The following SRD5A2 variants were observed in gnomAD, a reference collection of about 807,000 sequenced individuals.
SRD5A2 encodes 3-oxo-5-alpha-steroid 4-dehydrogenase 2.
A neutral mutation model predicts 27.4 loss-of-function variants in SRD5A2; 30 were observed. The ratio of observed to expected loss-of-function variants is 1.10; its 90% CI spans 0.82 to 1.49. SRD5A2 has a LOEUF of 1.49. Among genes scored for constraint, SRD5A2 ranks in the 40% most tolerant of loss-of-function variants. SRD5A2 has a pLI of 0.00. For synonymous variants in SRD5A2, 141 were observed against 133.6 expected, an observed-to-expected ratio of 1.06 and a Z score of -0.38; for missense variants, 348 against 323.4, an observed-to-expected ratio of 1.08 and a Z score of -0.58.
chr2:31,591,810 C>T, the SRD5A2 span, among the ~76,000 whole-genome samples: 1 of 91,698 alleles, frequency 1.1e-5, no homozygotes, highest in Admixed American at 1.3e-4. Flanking sequence ...AGCTGGAAAC[C>T]ATCTTTCTCA....
intron 4 of SRD5A2, chr2:31,526,973 A>G (rs896818433): frequency 1.3e-5 from 2 of 152,278 alleles, no homozygotes; most frequent in African/African-American, 4.8e-5. Flanking sequence ...AGACGGAGGC[A>G]GAGATCAGAG....
At chr2:31,637,634 T>C in the SRD5A2 span, among the ~76,000 whole-genome samples, 1 of 152,010 alleles carries the variant, frequency 6.6e-6, no homozygotes, top group Non-Finnish European at 1.5e-5. Flanking sequence ...GGGATATCCC[T>C]AATCTGTTTA....
chr2:31,568,167 AAG>A (rs1666774605), intron 1 of SRD5A2, among the ~76,000 whole-genome samples: 1 of 152,168 alleles, frequency 6.6e-6, no homozygotes, highest in African/African-American at 2.4e-5. Flanking sequence ...CAAAGCCCCA[AAG>A]AGGGTGTCAT....
At chr2:31,574,075 A>G (rs2148100748) in intron 1 of SRD5A2, among the ~76,000 whole-genome samples, 1 of 152,338 alleles carries the variant, frequency 6.6e-6, no homozygotes, top group Middle Eastern at 3.4e-3. Context: ...TCTCAGATGA[A>G]TGTTCAGTGG....
chr2:31,624,413 T>C, the SRD5A2 span, among the ~76,000 whole-genome samples: 1 of 152,130 alleles, frequency 6.6e-6, no homozygotes, highest in Admixed American at 6.6e-5. Context: ...GTGCACAACA[T>C]GCAGATTTGT....
chr2:31,565,732 GA>G (rs1345435516), intron 1 of SRD5A2, among the ~76,000 whole-genome samples: 3 of 151,458 alleles, frequency 2.0e-5, no homozygotes, highest in Non-Finnish European at 4.4e-5. Context: ...AGAGCTGTAA[GA>G]AAAAAAAGCA....
intron 1 of SRD5A2, among the ~76,000 whole-genome samples, chr2:31,541,271 C>T (rs1329289468): frequency 6.6e-6 from 1 of 151,342 alleles, no homozygotes; most frequent in African/African-American, 2.4e-5. Flanking sequence ...AAAAAGCAAA[C>T]AACCTTGAGG....
the SRD5A2 span, among the ~76,000 whole-genome samples, chr2:31,626,050 G>T: frequency 1.3e-5 from 2 of 152,262 alleles, no homozygotes; most frequent in Middle Eastern, 6.8e-3. Context: ...GCAGTGGTTT[G>T]TAGTTCTCCT....
At chr2:31,651,471 A>G in the SRD5A2 span, 3 of 229,732 alleles carry the variant, frequency 1.3e-5, no homozygotes, top group Non-Finnish European at 3.0e-5. Flanking sequence ...ACTTATGGTA[A>G]TGTACATGCT....
the SRD5A2 span, among the ~76,000 whole-genome samples, chr2:31,659,502 A>G: frequency 6.6e-6 from 1 of 152,208 alleles, no homozygotes. Flanking sequence ...TACAAAATCA[A>G]TGTACAAAAA....
chr2:31,542,103 C>T (rs1455032106), intron 1 of SRD5A2, among the ~76,000 whole-genome samples: 2 of 152,180 alleles, frequency 1.3e-5, no homozygotes, highest in Non-Finnish European at 2.9e-5. Context: ...TAAGGAAGTG[C>T]TTGTGCCATT....
Position 31,525,835 on chromosome 2 carries a change from T to C in SRD5A2, c.*361A>G, listed in dbSNP as rs140521456. On this transcript the variant is annotated 3_prime_UTR_variant, in exon 5 of 5. Transcript: ENST00000622030. ...TACTGCCTTCAAGTCAAAAAATTCTTGATTACAGAGTTGTCCTGCATTGAC... is the reference window on the plus strand; with the variant it reads ...TACTGCCTTCAAGTCAAAAAATTCTCGATTACAGAGTTGTCCTGCATTGAC... The C allele has an allele frequency of 7.8e-6, 2 of 255,756 alleles. No individual in the cohort carries two copies. Among genetic ancestry groups the C allele is most frequent in the Non-Finnish European group, 1.5e-5 (2 of 131,834 alleles). The allele number at this position is 255,756 out of a possible 1,614,324, so 15.8% of individuals were successfully genotyped here.
At chr2:31,592,389 C>T in the SRD5A2 span, among the ~76,000 whole-genome samples, 1 of 152,188 alleles carries the variant, frequency 6.6e-6, no homozygotes, top group Non-Finnish European at 1.5e-5. Flanking sequence ...GCATAACCAG[C>T]ATTTGAGAAA....
At chr2:31,639,105 C>G in the SRD5A2 span, among the ~76,000 whole-genome samples, 2 of 151,846 alleles carry the variant, frequency 1.3e-5, no homozygotes, top group Non-Finnish European at 2.9e-5. Context: ...TACCATGAGG[C>G]TATTTTAAAA....
chr2:31,655,553 C>A, the SRD5A2 span, among the ~76,000 whole-genome samples: 1 of 152,160 alleles, frequency 6.6e-6, no homozygotes, highest in African/African-American at 2.4e-5. Context: ...ACAAATCTCA[C>A]CAATCAAAAC....
At chr2:31,571,291 T>C (rs1242619566) in intron 1 of SRD5A2, among the ~76,000 whole-genome samples, 1 of 151,998 alleles carries the variant, frequency 6.6e-6, no homozygotes, top group East Asian at 1.9e-4. Flanking sequence ...CTATTCAAAA[T>C]GGAGCTGGGA....
At chr2:31,621,003 G>A in the SRD5A2 span, among the ~76,000 whole-genome samples, 1 of 144,554 alleles carries the variant, frequency 6.9e-6, no homozygotes, top group African/African-American at 2.5e-5. Context: ...AATTTTTAAG[G>A]GTCAGATAGC....
chr2:31,560,057 C>G (rs1380309358), intron 1 of SRD5A2, among the ~76,000 whole-genome samples: 14 of 3,278 alleles, frequency 4.3e-3, no homozygotes, highest in Non-Finnish European at 8.5e-3. Flanking sequence ...CATACCAATC[C>G]CCCCCCCCCC....
At chr2:31,638,816 C>T in the SRD5A2 span, among the ~76,000 whole-genome samples, 1 of 151,214 alleles carries the variant, frequency 6.6e-6, no homozygotes, top group Non-Finnish European at 1.5e-5. Flanking sequence ...TTATAGGTGA[C>T]TAGGGTTCTT....
Sources: gnomAD v4.1 joint callset for allele counts (sites outside exome capture counted in the v4.1 genomes callset) on GRCh38, gnomAD v4.1.1 for gene constraint, MANE v1.5 for transcripts, NCBI Gene and HGNC (gene_info 2026-07-23, HGNC 2026-07-21) for gene names.